The following HTR2C variants were observed in gnomAD, a reference collection of about 807,000 sequenced individuals.
HTR2C encodes the protein 5-hydroxytryptamine (serotonin) receptor 2C, G protein-coupled.
In HTR2C, 5 loss-of-function variants were observed where a neutral mutation model predicts 21.0. The observed-to-expected ratio is 0.24, with a 90% CI of 0.12 to 0.50. The LOEUF is 0.50. Ranked by LOEUF, HTR2C falls within the 20% of genes least tolerant of loss-of-function variation. The pLI, the probability that HTR2C is intolerant of heterozygous loss-of-function variation, is 0.98. For synonymous variants in HTR2C, 150 were observed against 145.3 expected (o/e 1.03, Z -0.23); for missense variants, 271 against 371.2 (o/e 0.73, Z 2.22).
At chrX:114,814,133 C>T (rs2070560338) in intron 4 of HTR2C, among the ~76,000 whole-genome samples, 1 of 108,100 alleles carries the variant, frequency 9.3e-6, no homozygotes, top group African/African-American at 3.4e-5. Flanking sequence ...TCATTCTAGG[C>T]AAGACAGACA....
intron 5 of HTR2C, among the ~76,000 whole-genome samples, chrX:114,852,260 C>A: frequency 9.1e-6 from 1 of 110,054 alleles, no homozygotes; most frequent in Admixed American, 9.8e-5. Context: ...TATTCCCCAA[C>A]CTTGTTGACT....
chrX:114,692,221 C>T (rs1005707002), intron 2 of HTR2C, among the ~76,000 whole-genome samples: 1 of 111,396 alleles, frequency 9.0e-6, no homozygotes, highest in Non-Finnish European at 1.9e-5. Context: ...AACATTATCA[C>T]TTTCCAGCCA....
chrX:114,887,192 G>T (rs2071226139), intron 5 of HTR2C, among the ~76,000 whole-genome samples: 1 of 112,041 alleles, frequency 8.9e-6, no homozygotes, highest in Non-Finnish European at 1.9e-5. Flanking sequence ...TAGACAGGTA[G>T]TTGCTGGGTA....
At chrX:114,624,247 C>T (rs782546696) in intron 2 of HTR2C, among the ~76,000 whole-genome samples, 2 of 110,716 alleles carry the variant, frequency 1.8e-5, no homozygotes, top group African/African-American at 6.6e-5. Context: ...AGAGCATAAG[C>T]GCTCAATAAA....
chrX:114,731,232 A>G, intron 3 of HTR2C, 62 bp from the exon 4 acceptor site: 1 of 791,971 alleles, frequency 1.3e-6, no homozygotes, highest in Non-Finnish European at 1.8e-6. Flanking sequence ...TTGCATGAGC[A>G]ACGTATTGTG....
intron 1 of HTR2C, among the ~76,000 whole-genome samples, chrX:114,598,830 A>C (rs1357003558): frequency 3.6e-5 from 4 of 111,574 alleles, no homozygotes; most frequent in Non-Finnish European, 7.5e-5. Flanking sequence ...TACTGATCAC[A>C]TTTGTAAGTG....
intron 1 of HTR2C, among the ~76,000 whole-genome samples, chrX:114,596,261 A>T (rs1556392590): frequency 8.9e-6 from 1 of 112,180 alleles, no homozygotes; most frequent in Non-Finnish European, 1.9e-5. Context: ...TTTAAGAGAA[A>T]ATTTTAATTA....
At chrX:114,847,738 T>C in intron 4 of HTR2C, among the ~76,000 whole-genome samples, 1 of 110,881 alleles carries the variant, frequency 9.0e-6, no homozygotes, top group Admixed American at 9.6e-5. Context: ...TGCACAATAT[T>C]GTGAATGTAC....
chrX:114,638,499 GTTTA>G (rs200717009), intron 2 of HTR2C, among the ~76,000 whole-genome samples: 20 of 100,749 alleles, frequency 2.0e-4, no homozygotes, highest in African/African-American at 2.8e-4. Context: ...TATGTAATAC[GTTTA>G]TTTATTTATT....
At chrX:114,644,766 A>T (rs1930298846) in intron 2 of HTR2C, among the ~76,000 whole-genome samples, 1 of 109,965 alleles carries the variant, frequency 9.1e-6, no homozygotes, top group South Asian at 3.9e-4. Flanking sequence ...AGTATTAATG[A>T]TTGGTGGTAT....
At chrX:114,886,523 C>A (rs2071221317) in intron 5 of HTR2C, among the ~76,000 whole-genome samples, 1 of 110,309 alleles carries the variant, frequency 9.1e-6, no homozygotes. Context: ...TTAGTGGCAA[C>A]TCTAGGGCTT....
At chrX:114,693,657 A>G (rs782540495) in intron 2 of HTR2C, among the ~76,000 whole-genome samples, 1 of 111,311 alleles carries the variant, frequency 9.0e-6, no homozygotes, top group Non-Finnish European at 1.9e-5. Context: ...TATGAACGGC[A>G]TTAATGACTC....
At chrX:114,902,145 T>C (rs1556485397) in intron 5 of HTR2C, among the ~76,000 whole-genome samples, 1 of 112,304 alleles carries the variant, frequency 8.9e-6, no homozygotes, top group African/African-American at 3.2e-5. Flanking sequence ...GGAATTTTTA[T>C]AAAAATGAAT....
chrX:114,681,075 C>T (rs1556413449), intron 2 of HTR2C, among the ~76,000 whole-genome samples: 2 of 111,371 alleles, frequency 1.8e-5, no homozygotes, highest in Non-Finnish European at 3.8e-5. Context: ...TTGTTGACAG[C>T]AACATGGAAA....
chrX:114,662,332 C>T (rs1461863254), intron 2 of HTR2C, among the ~76,000 whole-genome samples: 1 of 110,530 alleles, frequency 9.0e-6, no homozygotes, highest in African/African-American at 3.3e-5. Flanking sequence ...CAGTAAACTC[C>T]TCTAAACTTC....
intron 4 of HTR2C, among the ~76,000 whole-genome samples, chrX:114,762,500 T>A (rs1347748925): frequency 9.0e-6 from 1 of 111,628 alleles, no homozygotes; most frequent in African/African-American, 3.3e-5. Context: ...TATTAATACC[T>A]CCAAAATTTG....
At chrX:114,874,425 T>A (rs1332620991) in intron 5 of HTR2C, among the ~76,000 whole-genome samples, 1 of 111,825 alleles carries the variant, frequency 8.9e-6, no homozygotes, top group East Asian at 2.8e-4. Flanking sequence ...TTTCCTTTTC[T>A]CCACATCCTC....
At chrX:114,636,161 G>A (rs1441364713) in intron 2 of HTR2C, among the ~76,000 whole-genome samples, 1 of 106,183 alleles carries the variant, frequency 9.4e-6, no homozygotes, top group Non-Finnish European at 1.9e-5. Context: ...CTTATTCCCA[G>A]TGCTAATCAC....
chrX:114,850,991 C>A (rs782187256), intron 5 of HTR2C, among the ~76,000 whole-genome samples: 1 of 111,481 alleles, frequency 9.0e-6, no homozygotes, highest in African/African-American at 3.2e-5. Context: ...AAAACAAATA[C>A]TCCAGTGAAA....
Sources: allele counts gnomAD v4.1 joint callset (sites outside exome capture counted in the v4.1 genomes callset), GRCh38; gene constraint gnomAD v4.1.1; transcripts MANE v1.5; gene names NCBI Gene and HGNC (gene_info 2026-07-23, HGNC 2026-07-21).